GRM5: variants seen among roughly 807,000 people sequenced by gnomAD.
GRM5 encodes the protein glutamate metabotropic receptor 5.
Under a neutral mutation model 83.1 loss-of-function variants are expected in GRM5, and 19 were observed. The ratio of observed to expected loss-of-function variants is 0.23; its 90% confidence interval spans 0.16 to 0.34. The LOEUF (loss-of-function observed/expected upper bound fraction) is 0.34, where lower values mean the gene tolerates loss of function less well. GRM5 is among the 10% of genes least tolerant of loss of function. The probability of loss-of-function intolerance (pLI) is 1.00; values close to 1 mark genes in which losing one functional copy is unlikely to be tolerated. For synonymous variants in GRM5, 675 were observed against 633.6 expected (o/e 1.07, Z -0.98); for missense variants, 1,160 against 1,588.3 (o/e 0.73, Z 4.58).
chr11:88,644,179 TACAC>T (rs1250525164), intron 4 of GRM5, among the ~76,000 whole-genome samples: 1 of 152,180 alleles, frequency 6.6e-6, no homozygotes, highest in East Asian at 1.9e-4. Flanking sequence ...AGTTTGTACA[TACAC>T]ACAAGAATAT....
intron 2 of GRM5, among the ~76,000 whole-genome samples, chr11:89,031,179 G>A (rs1172747226): frequency 2.0e-5 from 3 of 151,900 alleles, no homozygotes; most frequent in Admixed American, 6.6e-5. Context: ...GGAAGGGATA[G>A]GCACAATGTT....
At chr11:88,663,831 GT>G (rs1939968649) in intron 3 of GRM5, among the ~76,000 whole-genome samples, 1 of 152,156 alleles carries the variant, frequency 6.6e-6, no homozygotes, top group African/African-American at 2.4e-5. Context: ...ACGGTGCTAA[GT>G]GCAATATTAA....
chr11:88,672,890 G>A (rs1013573928), intron 3 of GRM5, among the ~76,000 whole-genome samples: 3 of 151,916 alleles, frequency 2.0e-5, no homozygotes, highest in Non-Finnish European at 4.4e-5. Flanking sequence ...TTTATTATAT[G>A]CTGAGGGTAC....
chr11:88,832,072 A>G (rs1944005294), intron 3 of GRM5, among the ~76,000 whole-genome samples: 2 of 152,210 alleles, frequency 1.3e-5, no homozygotes, highest in African/African-American at 4.8e-5. Context: ...ACCATAAGCT[A>G]CTAAGGAAAT....
chr11:88,702,351 T>A, intron 3 of GRM5, among the ~76,000 whole-genome samples: 1 of 152,202 alleles, frequency 6.6e-6, no homozygotes, highest in East Asian at 1.9e-4. Context: ...AAATGGTCAG[T>A]GAAAGATCTC....
intron 2 of GRM5, among the ~76,000 whole-genome samples, chr11:88,973,052 G>A (rs754247366): frequency 2.6e-5 from 4 of 152,122 alleles, no homozygotes; most frequent in Non-Finnish European, 5.9e-5. Flanking sequence ...AGATTGAAAG[G>A]TATTAAAGAG....
intron 3 of GRM5, among the ~76,000 whole-genome samples, chr11:88,838,083 T>TAAAAAA (rs1944125002): frequency 4.1e-4 from 2 of 4,868 alleles, no homozygotes; most frequent in Non-Finnish European, 2.6e-3. Flanking sequence ...AGACTCCATC[T>TAAAAAA]CAAAAAAAAA....
At chr11:89,007,482 A>G (rs903866441) in intron 2 of GRM5, among the ~76,000 whole-genome samples, 3 of 152,200 alleles carry the variant, frequency 2.0e-5, no homozygotes, top group African/African-American at 7.2e-5. Context: ...TACTGCCATT[A>G]TCATTCTGCT....
At chr11:88,904,076 G>A (rs1268932667) in intron 2 of GRM5, among the ~76,000 whole-genome samples, 1 of 152,094 alleles carries the variant, frequency 6.6e-6, no homozygotes, top group African/African-American at 2.4e-5. Context: ...ATAAGTAAGG[G>A]TATAGTAGCC....
intron 2 of GRM5, among the ~76,000 whole-genome samples, chr11:88,912,453 G>C (rs1393138366): frequency 3.6e-5 from 5 of 140,542 alleles, no homozygotes; most frequent in Non-Finnish European, 6.0e-5. Context: ...CTATGCATTT[G>C]ATTTGCTCTC....
intron 6 of GRM5, among the ~76,000 whole-genome samples, chr11:88,592,015 A>AT (rs1163066458): frequency 6.6e-6 from 1 of 152,200 alleles, no homozygotes; most frequent in Non-Finnish European, 1.5e-5. Flanking sequence ...GTTAGGGTAA[A>AT]TAAGGGATCA....
chr11:88,656,358 C>A (rs980135825), intron 3 of GRM5, among the ~76,000 whole-genome samples: 2 of 152,056 alleles, frequency 1.3e-5, no homozygotes, highest in Non-Finnish European at 2.9e-5. Context: ...TACAGTTGAT[C>A]ATCATTATTT....
intron 7 of GRM5, among the ~76,000 whole-genome samples, chr11:88,578,453 GT>G (rs1347213326): frequency 6.6e-6 from 1 of 152,122 alleles, no homozygotes; most frequent in South Asian, 2.1e-4. Flanking sequence ...CCATGTCAGA[GT>G]GGTTTTTGAC....
At chr11:89,025,789 C>T (rs1941115679) in intron 2 of GRM5, among the ~76,000 whole-genome samples, 2 of 152,166 alleles carry the variant, frequency 1.3e-5, no homozygotes, top group African/African-American at 4.8e-5. Context: ...TCTCAAAGTA[C>T]TTAAAACAGT....
Position 88,605,114 on chromosome 11 carries a change from C to G in GRM5, c.1148-150G>C, listed in dbSNP as rs563047743. 13 of 643,530 alleles carry G rather than the reference C, an allele frequency of 2.0e-5. No individual in the cohort carries two copies. In the East Asian group the frequency reaches 3.2e-4, roughly 16 times the overall value. The allele number at this position is 643,530 out of a possible 1,614,324, so 39.9% of individuals were successfully genotyped here. On this transcript the variant is annotated intron_variant, in intron 4 of 9. Transcript: ENST00000305447. ...CCATGGGTAACACTGAGAAACAGTA[C>G]CAACATAATGGGCCTGATAGTTATC...
chr11:88,754,025 T>C (rs1326122763), intron 3 of GRM5, among the ~76,000 whole-genome samples: 1 of 152,058 alleles, frequency 6.6e-6, no homozygotes, highest in East Asian at 1.9e-4. Context: ...CACGTGGGAA[T>C]TATGGGAACT....
intron 3 of GRM5, among the ~76,000 whole-genome samples, chr11:88,832,532 C>G (rs1460761350): frequency 1.3e-5 from 2 of 151,956 alleles, no homozygotes; most frequent in Admixed American, 1.3e-4. Flanking sequence ...TTACAATGAC[C>G]ATACTGCTCA....
At chr11:88,644,231 T>G (rs1336303898) in intron 4 of GRM5, among the ~76,000 whole-genome samples, 1 of 152,166 alleles carries the variant, frequency 6.6e-6, no homozygotes, top group African/African-American at 2.4e-5. Flanking sequence ...TGGTCAGTTA[T>G]ATGAGGATTT....
intron 3 of GRM5, among the ~76,000 whole-genome samples, chr11:88,659,663 T>A (rs1296774904): frequency 2.0e-5 from 3 of 152,210 alleles, no homozygotes; most frequent in Non-Finnish European, 4.4e-5. Flanking sequence ...AAAATAATTA[T>A]GATAGGACTT....
Sources: gnomAD v4.1 joint callset for allele counts (sites outside exome capture counted in the v4.1 genomes callset) on GRCh38, gnomAD v4.1.1 for gene constraint, MANE v1.5 for transcripts, NCBI Gene and HGNC (gene_info 2026-07-23, HGNC 2026-07-21) for gene names.